The following YAP1 variants were observed in gnomAD, a reference collection of about 807,000 sequenced individuals.
YAP1 encodes transcriptional coactivator YAP1.
A neutral mutation model predicts 56.9 loss-of-function variants in YAP1; 5 were observed. That is an observed-to-expected ratio of 0.09 (90% CI 0.05 to 0.18). The LOEUF (loss-of-function observed/expected upper bound fraction) is 0.18. Among genes scored for constraint, YAP1 ranks in the 10% least tolerant of loss-of-function variants. The probability of loss-of-function intolerance (pLI) is 1.00; values close to 1 mark genes in which losing one functional copy is unlikely to be tolerated. For synonymous variants in YAP1, 265 were observed against 248.1 expected (o/e 1.07, Z -0.64); for missense variants, 539 against 651.8 (o/e 0.83, Z 1.88).
intron 6 of YAP1, among the ~76,000 whole-genome samples, chr11:102,220,988 A>G (rs1591460433): frequency 6.6e-6 from 1 of 152,306 alleles, no homozygotes; most frequent in Non-Finnish European, 1.5e-5. Context: ...AAGATTTTAG[A>G]GTTGGTTTGG....
chr11:102,157,094 A>G (rs749469095), intron 2 of YAP1, among the ~76,000 whole-genome samples: 26 of 152,216 alleles, frequency 1.7e-4, no homozygotes, highest in Non-Finnish European at 3.5e-4. Flanking sequence ...TAACTCATTA[A>G]CAGCCTTCAG....
At position 102,110,837 on chromosome 11, in the gene YAP1, G is replaced by A. The variant is rs975454052; in HGVS notation, c.-12G>A. ...CTGGGTCAGGGGGTGCGCGTCGGGG[G>A]AGGCAGAAGCCATGGATCCCGGGCA... On this transcript the variant is annotated 5_prime_UTR_variant, in exon 1 of 9. Transcript: ENST00000282441. 1 of 1,394,236 alleles carries A rather than the reference G, an allele frequency of 7.2e-7. No individual in the cohort carries two copies. Among genetic ancestry groups the A allele is most frequent in the Non-Finnish European group, 9.3e-7 (1 of 1,073,848 alleles). 86.4% of individuals were successfully genotyped at this position (1,394,236 alleles called of 1,614,324 possible). A position where few individuals can be genotyped will look rare whatever the true frequency, so the allele number is the denominator to read the frequency against.
At chr11:102,183,752 T>C (rs1947776621) in intron 3 of YAP1, among the ~76,000 whole-genome samples, 1 of 138,340 alleles carries the variant, frequency 7.2e-6, no homozygotes, top group South Asian at 2.2e-4. Flanking sequence ...AAACCACATA[T>C]ATGAAACCCA....
At chr11:102,209,194 G>A (rs1010983176) in intron 5 of YAP1, among the ~76,000 whole-genome samples, 13 of 152,048 alleles carry the variant, frequency 8.5e-5, no homozygotes, top group Non-Finnish European at 1.3e-4. Flanking sequence ...GTTTATCTTA[G>A]CACTGAAACA....
intron 2 of YAP1, among the ~76,000 whole-genome samples, chr11:102,161,399 C>T (rs1237983531): frequency 6.7e-6 from 1 of 149,976 alleles, no homozygotes; most frequent in East Asian, 2.0e-4. Context: ...AAACAATTAG[C>T]CTTGTCCAAT....
chr11:102,205,869 ATTTT>A lies in YAP1; in HGVS notation c.803-17_803-14del. ...TTCCTTCACTAGTTTTTTAGGACAG[ATTTT>A]TTTTTTCTTTTCATTTCAGCCATGA... On this transcript the variant is annotated intron_variant, in intron 4 of 8. Coordinates refer to ENST00000282441, the MANE Select transcript of YAP1 (RefSeq NM_001130145.3). 4 of 1,401,110 alleles carry A rather than the reference ATTTT, an allele frequency of 2.9e-6. No individual in the cohort carries two copies. Among genetic ancestry groups the A allele is most frequent in the Non-Finnish European group, 3.8e-6 (4 of 1,050,436 alleles). 86.8% of individuals were successfully genotyped at this position (1,401,110 alleles called of 1,614,324 possible). A position where few individuals can be genotyped will look rare whatever the true frequency, so the allele number is the denominator to read the frequency against.
intron 2 of YAP1, among the ~76,000 whole-genome samples, chr11:102,139,053 GTTT>G (rs563534544): frequency 6.9e-6 from 1 of 145,546 alleles, no homozygotes. Context: ...ATGAAAACAA[GTTT>G]TTTTTTTTTC....
chr11:102,193,257 T>A (rs577575604), intron 4 of YAP1, among the ~76,000 whole-genome samples: 1 of 152,288 alleles, frequency 6.6e-6, no homozygotes, highest in South Asian at 2.1e-4. Flanking sequence ...CTTAAATGAA[T>A]ATTTTAATAC....
chr11:102,228,802 G>T (rs1950327084), intron 8 of YAP1, among the ~76,000 whole-genome samples: 1 of 152,126 alleles, frequency 6.6e-6, no homozygotes, highest in African/African-American at 2.4e-5. Flanking sequence ...GCAGGGAAAT[G>T]AAGCTGTTCT....
intron 2 of YAP1, among the ~76,000 whole-genome samples, chr11:102,125,045 T>C (rs1264690381): frequency 6.6e-6 from 1 of 151,624 alleles, no homozygotes; most frequent in African/African-American, 2.4e-5. Flanking sequence ...GCCAGATTTT[T>C]TTTTTTTTTT....
chr11:102,121,089 A>G (rs2135160022), intron 2 of YAP1, among the ~76,000 whole-genome samples: 1 of 139,024 alleles, frequency 7.2e-6, no homozygotes, highest in East Asian at 2.1e-4. Flanking sequence ...TCCTTTCCAA[A>G]GTTTCAGTTA....
At chr11:102,189,638 A>G (rs147576820) in intron 4 of YAP1, among the ~76,000 whole-genome samples, 1 of 152,360 alleles carries the variant, frequency 6.6e-6, no homozygotes, top group East Asian at 1.9e-4. Context: ...TTCTATGTGT[A>G]GAAATGTCAG....
chr11:102,202,819 T>TA (rs1948942368), intron 4 of YAP1, among the ~76,000 whole-genome samples: 1 of 152,228 alleles, frequency 6.6e-6, no homozygotes, highest in African/African-American at 2.4e-5. Context: ...GATTCATCCT[T>TA]ATCATGAAGA....
rs1034480305 is a variant in YAP1 at position 102,156,229 on chromosome 11, A to G, written c.573-6227A>G. Among the ~76,000 whole-genome samples, 10 of 152,322 alleles carry G rather than the reference A, an allele frequency of 6.6e-5. No homozygotes were observed. The East Asian group carries it at 1.7e-3, about 26-fold the overall frequency. ...GTAGAATATGAGAAAACCACCAACC[A>G]TCTTTTGAAGAGGTTGAATTGCTAT... On this transcript the variant is annotated intron_variant, in intron 2 of 8. Transcript: ENST00000282441.
Position 102,205,927 on chromosome 11 carries a change from G to A in YAP1, c.837G>A (p.Val279=). 1 of 1,603,396 alleles carries A rather than the reference G, an allele frequency of 6.2e-7. No homozygotes were observed. The highest frequency in any genetic ancestry group is 8.5e-7 in the Non-Finnish European group (1 of 1,174,424). ...MNQRISQSAP[V]KQPPPLAPQS... ...AGAGAATCAGTCAGAGTGCTCCAGT[G>A]AAACAGCCACCACCCCTGGCTCCCC... Residue 279 remains valine (V), a synonymous_variant, in exon 5 of 9, where the codon GTG becomes GTA. Transcript: ENST00000282441.
In YAP1 at chr11:102,169,349, T is replaced by C. The variant is rs575354593; in HGVS notation, c.688+6778T>C. On this transcript the variant is annotated intron_variant, in intron 3 of 8. Transcript: ENST00000282441. Reference sequence around the variant, plus strand: ...TTGTTAAAAATCTGTTACCACACTATCTTTGAAGTTATGTTTATCTCTGTA... The same window carrying C: ...TTGTTAAAAATCTGTTACCACACTACCTTTGAAGTTATGTTTATCTCTGTA... Among the ~76,000 whole-genome samples the C allele has an allele frequency of 1.1e-4, 16 of 152,356 alleles. No individual in the cohort carries two copies. The South Asian group carries it at 3.3e-3, about 32-fold the overall frequency.
At position 102,214,012 on chromosome 11, in the gene YAP1, C is replaced by T. The variant is rs1040349388; in HGVS notation, c.1032+4448C>T. 9.9e-5 allele frequency among the ~76,000 whole-genome samples: 15 copies of T among 152,046 alleles called. 1 individual carries two copies. The East Asian group carries it at 1.9e-3, about 20-fold the overall frequency. ...AGGATGGCCTGAGTCTGGGAGGCAGCGGTTCAGTGAGCTGAGATCATGCCA... is the reference window on the plus strand; with the variant it reads ...AGGATGGCCTGAGTCTGGGAGGCAGTGGTTCAGTGAGCTGAGATCATGCCA... On this transcript the variant is annotated intron_variant, in intron 6 of 8. Transcript: ENST00000282441.
At chr11:102,171,325 A>T (rs1159570262) in intron 3 of YAP1, among the ~76,000 whole-genome samples, 2 of 152,234 alleles carry the variant, frequency 1.3e-5, no homozygotes, top group Admixed American at 1.3e-4. Context: ...TTAAGATGCT[A>T]ATTCTTTAAA....
chr11:102,120,708 GTATT>G (rs1181804717), intron 2 of YAP1, among the ~76,000 whole-genome samples: 2 of 152,146 alleles, frequency 1.3e-5, no homozygotes, highest in African/African-American at 2.4e-5. Context: ...TTAAAGTAAG[GTATT>G]TATTTGGCCA....
Sources: gnomAD v4.1 joint callset for allele counts (sites outside exome capture counted in the v4.1 genomes callset) on GRCh38, gnomAD v4.1.1 for gene constraint, MANE v1.5 for transcripts, NCBI Gene and HGNC (gene_info 2026-07-23, HGNC 2026-07-21) for gene names.